The following BNC2 variants were observed in gnomAD, a reference collection of about 807,000 sequenced individuals.
BNC2 encodes the protein basonuclin zinc finger protein 2.
Under a neutral mutation model 76.3 loss-of-function variants are expected in BNC2, and 20 were observed. The observed-to-expected ratio is 0.26, with a 90% CI of 0.18 to 0.38. The LOEUF (loss-of-function observed/expected upper bound fraction) is 0.38, where lower values mean the gene tolerates loss of function less well. Ranked by LOEUF, BNC2 falls within the 10% of genes least tolerant of loss-of-function variation. The pLI is 1.00. For synonymous variants in BNC2, 582 were observed against 514.8 expected (o/e 1.13, Z -1.77); for missense variants, 1,382 against 1,399.8 (o/e 0.99, Z 0.20).
rs560243802 is a variant in BNC2 at position 16,687,721 on chromosome 9, C to T, written c.330+40076G>A. Among the ~76,000 whole-genome samples, 4 of 152,286 alleles carry T rather than the reference C, an allele frequency of 2.6e-5. No homozygotes were observed. The East Asian group carries it at 7.7e-4, about 29-fold the overall frequency. On this transcript the variant is annotated intron_variant, in intron 3 of 6. Transcript: ENST00000380672. ...CTCACATACACAAAACAAATTGCTA[C>T]TTACCTTAAGATTATTTGACCACGT...
chr9:16,718,292 T>A (rs911905313), intron 3 of BNC2, among the ~76,000 whole-genome samples: 7 of 152,158 alleles, frequency 4.6e-5, no homozygotes, highest in African/African-American at 1.7e-4. Flanking sequence ...TGAAACAAGC[T>A]CTCCCAGATG....
At chr9:16,619,339 CAA>C (rs111641752) in intron 3 of BNC2, among the ~76,000 whole-genome samples, 122 of 147,832 alleles carry the variant, frequency 8.3e-4, no homozygotes, top group African/African-American at 2.7e-3. Context: ...AAACAAAAAA[CAA>C]AAAAAAAATA....
intron 1 of BNC2, among the ~76,000 whole-genome samples, chr9:16,810,192 T>C (rs540951515): frequency 6.6e-6 from 1 of 152,362 alleles, no homozygotes; most frequent in Admixed American, 6.5e-5. Flanking sequence ...GAATTGTCCC[T>C]GACCTGTCTA....
intron 4 of BNC2, among the ~76,000 whole-genome samples, chr9:16,557,154 A>G (rs946820165): frequency 3.9e-5 from 6 of 152,104 alleles, no homozygotes; most frequent in African/African-American, 1.4e-4. Context: ...ACTTTAATAT[A>G]TTATGGGCCT....
intron 1 of BNC2, among the ~76,000 whole-genome samples, chr9:16,800,373 A>G (rs879756276): frequency 5.9e-5 from 9 of 152,056 alleles, no homozygotes; most frequent in Non-Finnish European, 1.2e-4. Flanking sequence ...TTTGCATAGT[A>G]TATAACCAAG....
At chr9:16,831,078 TA>T (rs1395602592) in intron 1 of BNC2, among the ~76,000 whole-genome samples, 1 of 152,200 alleles carries the variant, frequency 6.6e-6, no homozygotes, top group Non-Finnish European at 1.5e-5. Context: ...TTAGACAACC[TA>T]AAACAATCAG....
At chr9:16,826,161 T>C (rs1818450137) in intron 1 of BNC2, among the ~76,000 whole-genome samples, 1 of 151,986 alleles carries the variant, frequency 6.6e-6, no homozygotes, top group East Asian at 1.9e-4. Flanking sequence ...TTTTAAAAGC[T>C]AGTCACTGGT....
chr9:16,738,487 T>C lies in BNC2; in HGVS notation c.4-2A>G, dbSNP rs780187588. The C allele has an allele frequency of 6.2e-7, 1 of 1,613,966 alleles. No homozygotes were observed. Among genetic ancestry groups the C allele is most frequent in the Non-Finnish European group, 8.5e-7 (1 of 1,179,900 alleles). On this transcript the variant is annotated splice_acceptor_variant, in intron 1 of 6. Transcript: ENST00000380672. LOFTEE classifies it high-confidence loss of function. ...AGGTGGGGTGGGCCCAAGGTGTGCCTATTGAGAGATTGGGAAAGGAAATTA... is the reference window on the plus strand; with the variant it reads ...AGGTGGGGTGGGCCCAAGGTGTGCCCATTGAGAGATTGGGAAAGGAAATTA...
At chr9:16,461,557 A>C (rs1325398142) in intron 5 of BNC2, among the ~76,000 whole-genome samples, 1 of 151,508 alleles carries the variant, frequency 6.6e-6, no homozygotes, top group Non-Finnish European at 1.5e-5. Context: ...TAAACGTTTC[A>C]ATCCAGCGCC....
chr9:16,709,188 G>A lies in BNC2; in HGVS notation c.330+18609C>T, dbSNP rs539096333. On this transcript the variant is annotated intron_variant, in intron 3 of 6. Transcript: ENST00000380672. ...GGCAGCAAGGAGTGAGCAAGCCACTGAAGGGGAGATGAAGTGGGGAGGGGA... is the reference window on the plus strand; with the variant it reads ...GGCAGCAAGGAGTGAGCAAGCCACTAAAGGGGAGATGAAGTGGGGAGGGGA... Among the ~76,000 whole-genome samples the A allele has an allele frequency of 2.6e-5, 4 of 152,288 alleles. No individual in the cohort carries two copies. In the East Asian group the frequency reaches 7.7e-4, roughly 29 times the overall value.
intron 1 of BNC2, among the ~76,000 whole-genome samples, chr9:16,839,154 C>T (rs1398830650): frequency 1.3e-5 from 2 of 152,126 alleles, no homozygotes; most frequent in African/African-American, 2.4e-5. Context: ...AGATAAAAGA[C>T]ACTAGAAACT....
chr9:16,844,297 T>C (rs1273035668), intron 1 of BNC2, among the ~76,000 whole-genome samples: 1 of 152,010 alleles, frequency 6.6e-6, no homozygotes, highest in Non-Finnish European at 1.5e-5. Flanking sequence ...CTAAATACTA[T>C]TAATATACCA....
chr9:16,605,812 A>T lies in BNC2; in HGVS notation c.331-22727T>A, dbSNP rs112381376. On this transcript the variant is annotated intron_variant, in intron 3 of 6. Transcript: ENST00000380672. ...TTTTTTTTTTTTTTTTTTTTGAGAC[A>T]TGGTCCCGTTCTGTCACCCAGGCTG... 3.8e-3 allele frequency among the ~76,000 whole-genome samples: 520 copies of T among 136,246 alleles called. 4 individuals carry two copies. Among genetic ancestry groups the T allele is most frequent in the African/African-American group, 0.013 (478 of 35,500 alleles). The allele number at this position is 136,246 out of a possible 152,430, so 89.4% of individuals were successfully genotyped here.
At chr9:16,709,586 G>C (rs1056062954) in intron 3 of BNC2, among the ~76,000 whole-genome samples, 1 of 152,124 alleles carries the variant, frequency 6.6e-6, no homozygotes, top group Non-Finnish European at 1.5e-5. Context: ...CCTCATTAGA[G>C]GGACTATTTC....
At chr9:16,849,755 C>CTT (rs984882459) in intron 1 of BNC2, among the ~76,000 whole-genome samples, 22 of 152,138 alleles carry the variant, frequency 1.4e-4, no homozygotes, top group African/African-American at 5.1e-4. Flanking sequence ...TAATGCTTTT[C>CTT]TTAATTGATA....
intron 3 of BNC2, among the ~76,000 whole-genome samples, chr9:16,624,099 T>C (rs981171272): frequency 5.3e-5 from 8 of 152,230 alleles, no homozygotes; most frequent in African/African-American, 1.9e-4. Flanking sequence ...AAAAGCCTTA[T>C]TTCTTCACAG....
At chr9:16,528,956 G>A (rs755228753) in intron 5 of BNC2, among the ~76,000 whole-genome samples, 11 of 152,302 alleles carry the variant, frequency 7.2e-5, no homozygotes, top group Non-Finnish European at 1.3e-4. Flanking sequence ...TTGCAATTGA[G>A]GTGTGAGTAG....
At chr9:16,803,464 C>T (rs190491771) in intron 1 of BNC2, among the ~76,000 whole-genome samples, 2 of 152,258 alleles carry the variant, frequency 1.3e-5, no homozygotes, top group East Asian at 1.9e-4. Flanking sequence ...AGGGAAGTGA[C>T]GAGTTAACAT....
At chr9:16,685,727 G>A (rs1425714792) in intron 3 of BNC2, 7 of 718,226 alleles carry the variant, frequency 9.7e-6, no homozygotes, top group African/African-American at 5.5e-5. Context: ...TCCCAACTGC[G>A]GGTCTCTAAC....
Sources: gnomAD v4.1 joint callset for allele counts (sites outside exome capture counted in the v4.1 genomes callset) on GRCh38, gnomAD v4.1.1 for gene constraint, MANE v1.5 for transcripts, NCBI Gene and HGNC (gene_info 2026-07-23, HGNC 2026-07-21) for gene names.